The following ZFHX3 variants were observed in gnomAD, a reference collection of about 807,000 sequenced individuals.
ZFHX3 encodes the protein zinc finger homeobox protein 3.
A neutral mutation model predicts 279.1 loss-of-function variants in ZFHX3; 42 were observed. The observed-to-expected ratio is 0.15, with a 90% confidence interval of 0.12 to 0.19. The LOEUF (loss-of-function observed/expected upper bound fraction) is 0.19, where lower values mean the gene tolerates loss of function less well. Ranked by LOEUF, ZFHX3 falls within the 10% of genes least tolerant of loss-of-function variation. ZFHX3 has a pLI of 1.00. For synonymous variants in ZFHX3, 2,293 were observed against 1,957.8 expected, an observed-to-expected ratio of 1.17 and a Z score of -4.52; for missense variants, 4,981 against 4,754.0, an observed-to-expected ratio of 1.05 and a Z score of -1.40.
intron 2 of ZFHX3, among the ~76,000 whole-genome samples, chr16:73,585,915 G>C (rs1457591585): frequency 6.6e-6 from 1 of 151,968 alleles, no homozygotes; most frequent in Non-Finnish European, 1.5e-5. Flanking sequence ...CAAAGTAGTA[G>C]TAGAAAAAAA....
At chr16:73,853,848 T>A (rs1314343071) in intron 1 of ZFHX3, among the ~76,000 whole-genome samples, 1 of 152,140 alleles carries the variant, frequency 6.6e-6, no homozygotes, top group East Asian at 1.9e-4. Flanking sequence ...TAAAAAAGAC[T>A]GAAAAAGTTT....
rs535205555 is a variant in ZFHX3, at chr16:73,393,650, T to A, written c.-1291+62353A>T. On this transcript the variant is annotated intron_variant, in intron 3 of 17. Transcript: ENST00000641206. ...GCTGTGTGCTGTTTCCTAGCTCTGATCACATTGAATAAACTATGAAAGTTG... is the reference window on the plus strand; with the variant it reads ...GCTGTGTGCTGTTTCCTAGCTCTGAACACATTGAATAAACTATGAAAGTTG... 4.6e-5 allele frequency among the ~76,000 whole-genome samples: 7 copies of A among 152,284 alleles called. No homozygotes were observed. In the East Asian group the frequency reaches 1.2e-3, roughly 25 times the overall value.
chr16:73,525,328 G>A (rs1248545667), intron 2 of ZFHX3, among the ~76,000 whole-genome samples: 1 of 152,172 alleles, frequency 6.6e-6, no homozygotes, highest in Non-Finnish European at 1.5e-5. Flanking sequence ...CCAGTAACAT[G>A]TAGCTTAAAA....
chr16:73,747,683 T>C (rs746386829), intron 1 of ZFHX3, among the ~76,000 whole-genome samples: 13 of 152,168 alleles, frequency 8.5e-5, no homozygotes, highest in African/African-American at 2.4e-4. Context: ...ATAGGTAATG[T>C]ATGTATGTGT....
intron 2 of ZFHX3, among the ~76,000 whole-genome samples, chr16:73,514,988 T>C (rs913383389): frequency 6.6e-6 from 1 of 152,192 alleles, no homozygotes; most frequent in African/African-American, 2.4e-5. Flanking sequence ...TTTCCATTTC[T>C]TTTTTCTCAT....
chr16:73,859,572 C>T (rs941962064), intron 1 of ZFHX3, among the ~76,000 whole-genome samples: 1 of 152,078 alleles, frequency 6.6e-6, no homozygotes, highest in African/African-American at 2.4e-5. Flanking sequence ...CTAGGTCCAG[C>T]CTTGCTCTGG....
At chr16:73,813,832 T>C (rs1455672355) in intron 1 of ZFHX3, 3 of 152,254 alleles carry the variant, frequency 2.0e-5, no homozygotes, top group African/African-American at 7.2e-5. Flanking sequence ...GGCTATCAGA[T>C]GGGTCCCTTG....
chr16:72,893,426 A>G (rs1362914656), intron 3 of ZFHX3, among the ~76,000 whole-genome samples: 1 of 152,254 alleles, frequency 6.6e-6, no homozygotes, highest in East Asian at 1.9e-4. Context: ...GAGGAATAAC[A>G]TGGCCAGAAG....
intron 3 of ZFHX3, among the ~76,000 whole-genome samples, chr16:73,406,030 G>A (rs547197174): frequency 2.0e-5 from 3 of 152,368 alleles, no homozygotes; most frequent in African/African-American, 7.2e-5. Flanking sequence ...AGGGGCACAC[G>A]CCGGGTAGAG....
At chr16:73,864,295 G>C (rs1961955600) in intron 1 of ZFHX3, among the ~76,000 whole-genome samples, 1 of 152,164 alleles carries the variant, frequency 6.6e-6, no homozygotes, top group South Asian at 2.1e-4. Context: ...CTTGCCCTCA[G>C]AGCAATCCTT....
intron 3 of ZFHX3, among the ~76,000 whole-genome samples, chr16:73,397,159 T>C (rs1436532771): frequency 6.6e-6 from 1 of 152,240 alleles, no homozygotes; most frequent in East Asian, 1.9e-4. Flanking sequence ...ATGGAGTTCA[T>C]AATCTAGACA....
intron 8 of ZFHX3, chr16:73,083,484 T>G (rs904528539): frequency 6.6e-6 from 1 of 152,220 alleles, no homozygotes; most frequent in Admixed American, 6.5e-5. Context: ...GAAAGTCTTG[T>G]GGTTTTCATG....
intron 1 of ZFHX3, among the ~76,000 whole-genome samples, chr16:73,798,535 G>A (rs548803954): frequency 3.0e-4 from 45 of 151,574 alleles, no homozygotes; most frequent in South Asian, 4.2e-4. Context: ...AAATTCTCCC[G>A]TCTTCCCAAA....
chr16:73,297,953 G>T (rs1005438181), intron 4 of ZFHX3, among the ~76,000 whole-genome samples: 2 of 151,802 alleles, frequency 1.3e-5, no homozygotes, highest in Non-Finnish European at 2.9e-5. Context: ...GGGAGGCTGA[G>T]GGGGGAAGGT....
At chr16:73,444,036 C>T (rs998518037) in intron 3 of ZFHX3, among the ~76,000 whole-genome samples, 3 of 152,244 alleles carry the variant, frequency 2.0e-5, no homozygotes, top group African/African-American at 7.2e-5. Flanking sequence ...GCTGGGATTA[C>T]AGGCGTGAGC....
chr16:73,251,564 A>G (rs920313768), intron 5 of ZFHX3, among the ~76,000 whole-genome samples: 4 of 152,186 alleles, frequency 2.6e-5, no homozygotes, highest in Non-Finnish European at 4.4e-5. Flanking sequence ...GTGACCCCAG[A>G]TGAGTAGAAC....
chr16:72,850,366 T>C (rs924482058), intron 4 of ZFHX3, among the ~76,000 whole-genome samples: 1 of 152,232 alleles, frequency 6.6e-6, no homozygotes, highest in African/African-American at 2.4e-5. Flanking sequence ...CGAACGACCA[T>C]CCCACTGTCA....
chr16:73,689,558 A>T, intron 1 of ZFHX3, among the ~76,000 whole-genome samples: 1 of 152,140 alleles, frequency 6.6e-6, no homozygotes, highest in East Asian at 1.9e-4. Flanking sequence ...CCCCCCACTC[A>T]TTCCACATCT....
intron 2 of ZFHX3, among the ~76,000 whole-genome samples, chr16:73,494,362 CAA>C: frequency 6.6e-6 from 1 of 152,104 alleles, no homozygotes; most frequent in Non-Finnish European, 1.5e-5. Flanking sequence ...CGAGTGGAAA[CAA>C]AAGTCGGCAT....
Sources: allele counts gnomAD v4.1 joint callset (sites outside exome capture counted in the v4.1 genomes callset), GRCh38; gene constraint gnomAD v4.1.1; transcripts MANE v1.5; gene names NCBI Gene and HGNC (gene_info 2026-07-23, HGNC 2026-07-21).